Variants in TECPR2 observed in about 807,000 individuals in gnomAD.
The protein encoded by TECPR2 is tectonin beta-propeller repeat-containing protein 2.
A neutral mutation model predicts 138.1 loss-of-function variants in TECPR2; 65 were observed. That is an observed-to-expected ratio of 0.47 (90% CI 0.39 to 0.58). The LOEUF (loss-of-function observed/expected upper bound fraction) is 0.58, where lower values mean the gene tolerates loss of function less well. Ranked by LOEUF, TECPR2 falls within the 20% of genes least tolerant of loss-of-function variation. TECPR2 has a pLI of 0.00. For missense variants in TECPR2, 1,553 were observed against 1,824.5 expected, an observed-to-expected ratio of 0.85 and a Z score of 2.71; for synonymous variants, 746 against 749.8, an observed-to-expected ratio of 0.99 and a Z score of 0.08.
At chr14:102,469,657 G>A (rs1890618769) in intron 17 of TECPR2, among the ~76,000 whole-genome samples, 1 of 152,146 alleles carries the variant, frequency 6.6e-6, no homozygotes, top group Non-Finnish European at 1.5e-5. Context: ...ATCTTAAGGG[G>A]AAGGCATTCA....
intron 2 of TECPR2, among the ~76,000 whole-genome samples, chr14:102,386,909 C>G (rs1427889889): frequency 6.6e-6 from 1 of 152,104 alleles, no homozygotes; most frequent in Non-Finnish European, 1.5e-5. Flanking sequence ...TCTAAGATTC[C>G]TGCTTCAAGG....
At chr14:102,442,035 G>A (rs1297116702) in intron 11 of TECPR2, among the ~76,000 whole-genome samples, 1 of 152,162 alleles carries the variant, frequency 6.6e-6, no homozygotes, top group Non-Finnish European at 1.5e-5. Context: ...CTGGAGTGTA[G>A]TGGCACAATC....
At chr14:102,398,092 GAAAAA>G (rs1220085067) in intron 2 of TECPR2, among the ~76,000 whole-genome samples, 1 of 128,808 alleles carries the variant, frequency 7.8e-6, no homozygotes, top group Non-Finnish European at 1.7e-5. Flanking sequence ...AAAAAAAAAA[GAAAAA>G]AGAAAGAAAA....
At chr14:102,440,354 C>T (rs1889795399) in intron 10 of TECPR2, 82 bp from the exon 11 acceptor site, 2 of 1,533,064 alleles carry the variant, frequency 1.3e-6, no homozygotes, top group Non-Finnish European at 1.8e-6. Context: ...TCTTTCTCCC[C>T]TCAATGCCCA....
intron 16 of TECPR2, among the ~76,000 whole-genome samples, chr14:102,455,650 G>T (rs78278734): frequency 6.7e-6 from 1 of 149,944 alleles, no homozygotes; most frequent in Non-Finnish European, 1.5e-5. Flanking sequence ...TCGCTCTGTC[G>T]CCCAGGCTGG....
intron 2 of TECPR2, among the ~76,000 whole-genome samples, chr14:102,378,520 G>C (rs890597246): frequency 1.4e-4 from 22 of 152,102 alleles, no homozygotes; most frequent in Non-Finnish European, 3.1e-4. Context: ...TTACTAAGGA[G>C]ACAGCTGGTG....
Position 102,443,984 on chromosome 14 carries a change from C to T in TECPR2, c.2933+157C>T, listed in dbSNP as rs779865521. Reference sequence around the variant, plus strand: ...GCTTGAATCTCTGCCTAATTCTGACCGGCAAACTGGACGTTGAGTCAGAGC... The same window carrying T: ...GCTTGAATCTCTGCCTAATTCTGACTGGCAAACTGGACGTTGAGTCAGAGC... On this transcript the variant is annotated intron_variant, in intron 12 of 19. Transcript: ENST00000359520. The surrounding 1 kb of genome is among the most constrained non-coding windows in gnomAD (Gnocchi z 4.9). Among the ~76,000 whole-genome samples the T allele has an allele frequency of 1.2e-4, 18 of 152,118 alleles. No individual in the cohort carries two copies. The highest frequency in any genetic ancestry group is 5.9e-4 in the Admixed American group (9 of 15,266).
chr14:102,438,195 C>T lies in TECPR2; in HGVS notation c.2568C>T (p.Val856=). Residue 856 remains valine (V), a synonymous_variant, in exon 10 of 20, where the codon GTC becomes GTT. Coordinates refer to ENST00000359520, the MANE Select transcript of TECPR2 (RefSeq NM_014844.5). The stretch of plus-strand genomic sequence containing the variant: ...AAGATGCTGTCCAGCAGGTGGCAGT[C>T]TCGCCCTCAGGTTCGCCTCCCCGCT... ...KFEDAVQQVA[V]SPSGALLWKI... The T allele has an allele frequency of 1.2e-6, 2 of 1,606,132 alleles. No homozygotes were observed. The highest frequency in any genetic ancestry group is 8.5e-7 in the Non-Finnish European group (1 of 1,178,860).
At chr14:102,446,114 G>A (rs939359543) in intron 13 of TECPR2, among the ~76,000 whole-genome samples, 167 bp downstream of exon 13, 15 of 151,866 alleles carry the variant, frequency 9.9e-5, no homozygotes, top group African/African-American at 3.1e-4. Flanking sequence ...TCATCCAGGC[G>A]GAAGGGCAGT....
intron 2 of TECPR2, among the ~76,000 whole-genome samples, chr14:102,404,659 C>T (rs867686584): frequency 4.0e-5 from 6 of 151,794 alleles, no homozygotes; most frequent in South Asian, 2.1e-4. Flanking sequence ...TCACTGCAAC[C>T]TCCACCTCCT....
chr14:102,494,985 A>AATG (rs1416378388), intron 17 of TECPR2, among the ~76,000 whole-genome samples: 1 of 152,128 alleles, frequency 6.6e-6, no homozygotes, highest in Non-Finnish European at 1.5e-5. Context: ...GGCCAAGGGG[A>AATG]ATGGCTCACT....
At chr14:102,411,698 T>TAAAAAAAAAAAAAAAAAAAAAAA (rs1219515960) in intron 4 of TECPR2, among the ~76,000 whole-genome samples, 2 of 9,670 alleles carry the variant, frequency 2.1e-4, no homozygotes, top group Non-Finnish European at 3.8e-4. Context: ...GCCATGTTGC[T>TAAAAAAAAAAAAAAAAAAAAAAA]CAAAAAAAAA....
At chr14:102,493,235 G>C (rs939250211) in intron 17 of TECPR2, among the ~76,000 whole-genome samples, 1 of 152,216 alleles carries the variant, frequency 6.6e-6, no homozygotes, top group African/African-American at 2.4e-5. Flanking sequence ...GGCAGTGTGT[G>C]GGGGAGTCCT....
At position 102,432,298 on chromosome 14, in the gene TECPR2, T is replaced by TACACACACACACACACAC. The variant is rs10650505; in HGVS notation, c.1417+177_1417+194dup. Among the ~76,000 whole-genome samples the TACACACACACACACACAC allele has an allele frequency of 7.0e-3, 1,035 of 148,874 alleles. 12 individuals are homozygous for TACACACACACACACACAC. The highest frequency in any genetic ancestry group is 0.021 in the Middle Eastern group (6 of 288). On this transcript the variant is annotated intron_variant, in intron 8 of 19. Transcript: ENST00000359520. Reference sequence around the variant, plus strand: ...CAAAATACTTCACATTAACGGAAAATACACACACACACACACACACACACT... The same window carrying TACACACACACACACACAC: ...CAAAATACTTCACATTAACGGAAAATACACACACACACACACACACACACACACACACACACACACACT...
chr14:102,372,134 A>G (rs1887522007), intron 1 of TECPR2, among the ~76,000 whole-genome samples: 1 of 152,078 alleles, frequency 6.6e-6, no homozygotes, highest in African/African-American at 2.4e-5. Context: ...TATTTTTTGC[A>G]GAGTCAGGAT....
intron 2 of TECPR2, among the ~76,000 whole-genome samples, chr14:102,393,493 A>G (rs1306295811): frequency 6.6e-6 from 1 of 152,228 alleles, no homozygotes; most frequent in Non-Finnish European, 1.5e-5. Flanking sequence ...CTGATACATT[A>G]CAAAGCACAC....
At chr14:102,460,591 G>GT (rs1275604438) in intron 16 of TECPR2, among the ~76,000 whole-genome samples, 5 of 151,014 alleles carry the variant, frequency 3.3e-5, no homozygotes, top group African/African-American at 9.7e-5. Context: ...TCCAGCCTGG[G>GT]TGACAGAGCA....
At chr14:102,494,276 C>T (rs973949583) in intron 17 of TECPR2, among the ~76,000 whole-genome samples, 1 of 152,222 alleles carries the variant, frequency 6.6e-6, no homozygotes, top group Non-Finnish European at 1.5e-5. Flanking sequence ...GGCGCAGTGG[C>T]TCACACCTGT....
At chr14:102,497,306 C>T (rs889597909) in intron 18 of TECPR2, among the ~76,000 whole-genome samples, 186 bp downstream of exon 18, 5 of 152,212 alleles carry the variant, frequency 3.3e-5, no homozygotes, top group East Asian at 1.9e-4. Flanking sequence ...GAACCCAGGC[C>T]GTCCTGCTGG....
Sources: gnomAD v4.1 joint callset for allele counts (sites outside exome capture counted in the v4.1 genomes callset) on GRCh38, gnomAD v4.1.1 for gene constraint, Gnocchi (gnomAD v3.1) non-coding constraint, MANE v1.5 for transcripts, NCBI Gene and HGNC (gene_info 2026-07-23, HGNC 2026-07-21) for gene names.